Variants in PRDM16 observed in about 807,000 individuals in gnomAD.
PRDM16 encodes PR/SET domain 16.
In PRDM16, 23 loss-of-function variants were observed where a neutral mutation model predicts 110.6. The ratio of observed to expected loss-of-function variants is 0.21; its 90% CI spans 0.15 to 0.29. The LOEUF (loss-of-function observed/expected upper bound fraction) is 0.29, where lower values mean the gene tolerates loss of function less well. Among genes scored for constraint, PRDM16 ranks in the 10% least tolerant of loss-of-function variants. The pLI is 1.00. For synonymous variants in PRDM16, 799 were observed against 781.8 expected, an observed-to-expected ratio of 1.02 and a Z score of -0.37; for missense variants, 1,615 against 1,794.3, an observed-to-expected ratio of 0.90 and a Z score of 1.81.
intron 3 of PRDM16, among the ~76,000 whole-genome samples, chr1:3,325,402 C>T (rs534689591): frequency 3.3e-5 from 5 of 152,278 alleles, no homozygotes; most frequent in East Asian, 1.9e-4. Flanking sequence ...GGGAATGGAC[C>T]GAGTCCTTGT....
chr1:3,135,551 G>A lies in PRDM16; in HGVS notation c.38-50574G>A, dbSNP rs533361092. 3.3e-5 allele frequency among the ~76,000 whole-genome samples: 5 copies of A among 152,200 alleles called. No homozygotes were observed. In the East Asian group the frequency reaches 7.7e-4, roughly 24 times the overall value. ...TTGCGCTGGTTCTATGTCCCAGCCC[G>A]ACCGAGCCCTCCCCCTCCGTGGCCC... is the stretch of plus-strand genomic sequence containing the variant. On this transcript the variant is annotated intron_variant, in intron 1 of 16. Coordinates refer to ENST00000270722, the MANE Select transcript of PRDM16 (RefSeq NM_022114.4).
In PRDM16 at chr1:3,084,829, G is replaced by C. The variant is rs2742683; in HGVS notation, c.37+15533G>C. 9.8e-3 allele frequency among the ~76,000 whole-genome samples: 1,485 copies of C among 152,306 alleles called. 19 individuals carry two copies. The highest frequency in any genetic ancestry group is 0.064 in the South Asian group (308 of 4,822). On this transcript the variant is annotated intron_variant, in intron 1 of 16. Coordinates refer to ENST00000270722, the MANE Select transcript of PRDM16 (RefSeq NM_022114.4). ...AACGCTGAGCCCTGCAGGCTGTCGGGGGGCAGGCCAGGGAAGTGATTCTTT... is the reference window on the plus strand; with the variant it reads ...AACGCTGAGCCCTGCAGGCTGTCGGCGGGCAGGCCAGGGAAGTGATTCTTT...
intron 3 of PRDM16, among the ~76,000 whole-genome samples, chr1:3,283,471 C>G (rs1640761637): frequency 6.6e-6 from 1 of 152,212 alleles, no homozygotes; most frequent in South Asian, 2.1e-4. Context: ...CACCCACTCC[C>G]CAGAGTGGAA....
chr1:3,117,526 C>T (rs569983028), intron 1 of PRDM16, among the ~76,000 whole-genome samples: 1 of 152,228 alleles, frequency 6.6e-6, no homozygotes, highest in South Asian at 2.1e-4. Context: ...CCTCTGGCTA[C>T]CACGCAGGCC....
chr1:3,197,240 A>C (rs973612120), intron 2 of PRDM16, among the ~76,000 whole-genome samples: 1 of 151,940 alleles, frequency 6.6e-6, no homozygotes, highest in Admixed American at 6.5e-5. Flanking sequence ...GGCTGGGTGG[A>C]CCCAGGACAA....
intron 3 of PRDM16, among the ~76,000 whole-genome samples, chr1:3,271,579 C>G (rs2455122): frequency 0.29 from 44,000 of 152,118 alleles, 10,221 homozygotes; most frequent in African/African-American, 0.63. Context: ...TGTTCCATGA[C>G]CTGGAGCGTG....
chr1:3,320,040 G>C (rs1429572162), intron 3 of PRDM16, among the ~76,000 whole-genome samples: 1 of 152,132 alleles, frequency 6.6e-6, no homozygotes, highest in African/African-American at 2.4e-5. Flanking sequence ...GCCTGGGCCT[G>C]GTGGCCACAC....
At chr1:3,277,865 T>C (rs1357657601) in intron 3 of PRDM16, among the ~76,000 whole-genome samples, 2 of 152,204 alleles carry the variant, frequency 1.3e-5, no homozygotes, top group Non-Finnish European at 2.9e-5. Context: ...ATAACCACTG[T>C]GTAAACACAC....
At chr1:3,402,714 C>A in intron 5 of PRDM16, 77 bp from the exon 6 acceptor site, 1 of 1,331,660 alleles carries the variant, frequency 7.5e-7, no homozygotes, top group Non-Finnish European at 1.1e-6. Flanking sequence ...GTGAGGGGGC[C>A]AGGTCTCCAG....
intron 14 of PRDM16, among the ~76,000 whole-genome samples, chr1:3,430,520 A>AC (rs1432589155): frequency 8.6e-5 from 13 of 151,822 alleles, no homozygotes; most frequent in Non-Finnish European, 1.6e-4. Context: ...GCACTGCCCA[A>AC]CCCCCGTGCC....
At chr1:3,112,530 C>G (rs1029177795) in intron 1 of PRDM16, among the ~76,000 whole-genome samples, 1 of 152,210 alleles carries the variant, frequency 6.6e-6, no homozygotes, top group Non-Finnish European at 1.5e-5. Context: ...CCCAGGGCCC[C>G]GCTCAGTGGC....
intron 1 of PRDM16, among the ~76,000 whole-genome samples, chr1:3,150,849 G>A (rs1466404067): frequency 6.8e-6 from 1 of 147,530 alleles, no homozygotes; most frequent in Non-Finnish European, 1.5e-5. Flanking sequence ...AGCTGCAAGA[G>A]CTATGGAGGC....
rs1049614050 is a variant in PRDM16 at position 3,325,190 on chromosome 1, C to A, written c.439-59962C>A. ...ACACAGGGAGTGTCCCCAAGGAAAT[C>A]TCTCATGCCTGTGAGCTGCAGCCCC... On this transcript the variant is annotated intron_variant, in intron 3 of 16. Coordinates refer to ENST00000270722, the MANE Select transcript of PRDM16 (RefSeq NM_022114.4). 5.3e-5 allele frequency among the ~76,000 whole-genome samples: 8 copies of A among 152,216 alleles called. No homozygotes were observed. The East Asian group carries it at 1.5e-3, about 29-fold the overall frequency.
At chr1:3,179,528 A>T (rs1017908502) in intron 1 of PRDM16, among the ~76,000 whole-genome samples, 5 of 152,212 alleles carry the variant, frequency 3.3e-5, no homozygotes, top group African/African-American at 1.2e-4. Flanking sequence ...GTGACATCAC[A>T]TCCGTCCCAA....
At chr1:3,342,537 G>C (rs370278916) in intron 3 of PRDM16, among the ~76,000 whole-genome samples, 28 of 152,308 alleles carry the variant, frequency 1.8e-4, no homozygotes, top group African/African-American at 6.3e-4. Flanking sequence ...TGATATATAC[G>C]GTAGCCTATA....
chr1:3,335,015 G>A (rs1033799893), intron 3 of PRDM16, among the ~76,000 whole-genome samples: 10 of 152,158 alleles, frequency 6.6e-5, no homozygotes, highest in Non-Finnish European at 8.8e-5. Flanking sequence ...AGTCCCCAGC[G>A]CCAGCCCCGC....
In PRDM16 at chr1:3,184,585, G is replaced by A. The variant is rs184712687; in HGVS notation, c.38-1540G>A. 1.6e-3 allele frequency among the ~76,000 whole-genome samples: 251 copies of A among 152,282 alleles called. 1 individual carries two copies. Among genetic ancestry groups the A allele is most frequent in the African/African-American group, 5.9e-3 (246 of 41,550 alleles). ...TCGCGCCTGCCTTTTTTATGTTATC[G>A]AGGCAGAATTCAACCTCTGTAAAGG... On this transcript the variant is annotated intron_variant, in intron 1 of 16. Coordinates refer to ENST00000270722, the MANE Select transcript of PRDM16 (RefSeq NM_022114.4).
intron 16 of PRDM16, 108 bp from the exon 17 acceptor site, chr1:3,433,569 C>CCTGTG (rs1557674989): frequency 2.8e-5 from 11 of 388,886 alleles, no homozygotes; most frequent in South Asian, 5.2e-5. Flanking sequence ...ACCTGCCTGT[C>CCTGTG]TGGGATGGCC....
rs139690036 is a variant in PRDM16 at position 3,118,822 on chromosome 1, C to T, written c.37+49526C>T. ...GTGCAAGTGTGTGTGCACGTGCATGCGCTGTGTGTGCACTTGCAGGTGTTT... is the reference window on the plus strand; with the variant it reads ...GTGCAAGTGTGTGTGCACGTGCATGTGCTGTGTGTGCACTTGCAGGTGTTT... On this transcript the variant is annotated intron_variant, in intron 1 of 16. Coordinates refer to ENST00000270722, the MANE Select transcript of PRDM16 (RefSeq NM_022114.4). 5.5e-3 allele frequency among the ~76,000 whole-genome samples: 838 copies of T among 152,310 alleles called. 12 individuals are homozygous for T. The highest frequency in any genetic ancestry group is 0.018 in the African/African-American group (729 of 41,566).
Sources: allele counts gnomAD v4.1 joint callset (sites outside exome capture counted in the v4.1 genomes callset), GRCh38; gene constraint gnomAD v4.1.1; transcripts MANE v1.5; gene names NCBI Gene and HGNC (gene_info 2026-07-23, HGNC 2026-07-21).